Variants in RIC8B observed in about 807,000 individuals in gnomAD.
RIC8B encodes chaperone Ric-8B.
A neutral mutation model predicts 57.5 loss-of-function variants in RIC8B; 16 were observed. That is an observed-to-expected ratio of 0.28 (90% CI 0.19 to 0.42). RIC8B has a LOEUF of 0.42. Ranked by LOEUF, RIC8B falls within the 10% of genes least tolerant of loss-of-function variation. The pLI is 1.00. For synonymous variants in RIC8B, 216 were observed against 250.8 expected (o/e 0.86, Z 1.31); for missense variants, 481 against 677.0 (o/e 0.71, Z 3.21).
intron 6 of RIC8B, among the ~76,000 whole-genome samples, chr12:106,844,290 A>G (rs1174627382): frequency 6.6e-6 from 1 of 152,208 alleles, no homozygotes; most frequent in East Asian, 1.9e-4. Context: ...GCATTTTAAG[A>G]GAGAGGAGAC....
chr12:106,814,276 G>A (rs1396438635), intron 2 of RIC8B, among the ~76,000 whole-genome samples: 1 of 152,130 alleles, frequency 6.6e-6, no homozygotes, highest in Non-Finnish European at 1.5e-5. Flanking sequence ...GTTCTTCTCT[G>A]GGGTTGTTTG....
intron 7 of RIC8B, among the ~76,000 whole-genome samples, chr12:106,858,186 TTG>T (rs1184792332): frequency 2.1e-4 from 32 of 152,210 alleles, no homozygotes; most frequent in Non-Finnish European, 1.0e-4. Flanking sequence ...TTTCGCCATT[TTG>T]TGTCTTTTTA....
At chr12:106,802,776 T>G (rs1333660438) in intron 2 of RIC8B, among the ~76,000 whole-genome samples, 1 of 152,100 alleles carries the variant, frequency 6.6e-6, no homozygotes, top group African/African-American at 2.4e-5. Context: ...TGCTGTAGCT[T>G]TCTCTGCTAC....
chr12:106,779,193 G>A (rs112494669), intron 1 of RIC8B, among the ~76,000 whole-genome samples: 17,136 of 149,448 alleles, frequency 0.11, 1,102 homozygotes, highest in Middle Eastern at 0.18. Flanking sequence ...GATTATAGGC[G>A]TGAGCCACTG....
At chr12:106,818,546 G>A (rs560601169) in intron 3 of RIC8B, among the ~76,000 whole-genome samples, 41 of 152,180 alleles carry the variant, frequency 2.7e-4, no homozygotes, top group African/African-American at 8.9e-4. Flanking sequence ...CTGCAGCTTC[G>A]AACTCCTGGG....
intron 2 of RIC8B, among the ~76,000 whole-genome samples, chr12:106,807,174 A>G (rs546422987): frequency 6.6e-6 from 1 of 152,268 alleles, no homozygotes; most frequent in Non-Finnish European, 1.5e-5. Context: ...AGTCCAACCC[A>G]TTTTGATTCT....
At chr12:106,884,670 A>G in intron 9 of RIC8B, among the ~76,000 whole-genome samples, 1 of 152,122 alleles carries the variant, frequency 6.6e-6, no homozygotes, top group East Asian at 1.9e-4. Context: ...AAGCTTTCAA[A>G]CACTTCGAAG....
chr12:106,871,188 A>C, intron 9 of RIC8B: 1 of 299,938 alleles, frequency 3.3e-6, no homozygotes. Context: ...GAGCACTGTA[A>C]TAATTAACCA....
rs75369507 is a variant in RIC8B at position 106,776,507 on chromosome 12, G to A, written c.84+1678G>A. On this transcript the variant is annotated intron_variant, in intron 1 of 9. Coordinates refer to ENST00000392837, the MANE Select transcript of RIC8B (RefSeq NM_001330145.2). Reference sequence around the variant, plus strand: ...ATAAATAGGAATTTGTTTCTGTAGGGGAGGAAGGAGGAAAAACCTTCAACT... The same window carrying A: ...ATAAATAGGAATTTGTTTCTGTAGGAGAGGAAGGAGGAAAAACCTTCAACT... 3.3e-4 allele frequency among the ~76,000 whole-genome samples: 50 copies of A among 152,238 alleles called. No individual in the cohort carries two copies. The East Asian group carries it at 9.5e-3, about 29-fold the overall frequency.
At chr12:106,828,304 C>T (rs1006101726) in intron 4 of RIC8B, among the ~76,000 whole-genome samples, 1 of 152,074 alleles carries the variant, frequency 6.6e-6, no homozygotes, top group Non-Finnish European at 1.5e-5. Context: ...TCATTTTGAG[C>T]AGTAATGACT....
At chr12:106,817,762 T>C (rs1593191557) in intron 3 of RIC8B, among the ~76,000 whole-genome samples, 2 of 150,462 alleles carry the variant, frequency 1.3e-5, no homozygotes, top group South Asian at 4.2e-4. Flanking sequence ...GAGGCGGAGC[T>C]TGCAGTAAGC....
At chr12:106,862,341 T>G (rs1203970107) in intron 8 of RIC8B, among the ~76,000 whole-genome samples, 1 of 152,098 alleles carries the variant, frequency 6.6e-6, no homozygotes, top group African/African-American at 2.4e-5. Context: ...GTTTTTCTCT[T>G]AAATTTTCCT....
At chr12:106,820,174 T>A (rs1052958813) in intron 3 of RIC8B, among the ~76,000 whole-genome samples, 1 of 152,246 alleles carries the variant, frequency 6.6e-6, no homozygotes, top group Admixed American at 6.5e-5. Context: ...ACCACTTTCA[T>A]TTACAGTTCA....
chr12:106,870,315 T>G (rs148049366), intron 8 of RIC8B, among the ~76,000 whole-genome samples: 1 of 152,342 alleles, frequency 6.6e-6, no homozygotes, highest in Non-Finnish European at 1.5e-5. Flanking sequence ...TAAACACTCA[T>G]TGCCCTCTGT....
At chr12:106,837,359 C>T (rs1302103691) in intron 4 of RIC8B, among the ~76,000 whole-genome samples, 1 of 150,878 alleles carries the variant, frequency 6.6e-6, no homozygotes, top group Non-Finnish European at 1.5e-5. Flanking sequence ...AAGACTGTTT[C>T]TCAAAAAAAA....
chr12:106,802,945 C>G (rs2044803886), intron 2 of RIC8B, among the ~76,000 whole-genome samples: 1 of 151,930 alleles, frequency 6.6e-6, no homozygotes, highest in African/African-American at 2.4e-5. Context: ...CACAGTGGCT[C>G]AAGCCTGCAA....
In RIC8B at chr12:106,809,727, T is replaced by G. The variant is rs190026116; in HGVS notation, c.133-4969T>G. On this transcript the variant is annotated intron_variant, in intron 2 of 9. Transcript: ENST00000392837. ...TGGATACGTAATAATTCTACATATTTATGGGGTACATGTGATACTTTGACA... is the reference window on the plus strand; with the variant it reads ...TGGATACGTAATAATTCTACATATTGATGGGGTACATGTGATACTTTGACA... Among the ~76,000 whole-genome samples the G allele has an allele frequency of 9.9e-5, 15 of 152,164 alleles. No individual in the cohort carries two copies. The East Asian group carries it at 2.3e-3, about 24-fold the overall frequency.
intron 9 of RIC8B, chr12:106,871,500 C>CAAAAAA (rs1566169701): frequency 0.017 from 1,107 of 66,370 alleles, 158 homozygotes; most frequent in Non-Finnish European, 0.022. Context: ...AAAAAAAAAC[C>CAAAAAA]AAAAAACTCC....
In RIC8B at chr12:106,823,711, T is replaced by C. The variant is rs372328382; in HGVS notation, c.742-2015T>C. 8.7e-5 allele frequency among the ~76,000 whole-genome samples: 13 copies of C among 149,992 alleles called. No homozygotes were observed. In the South Asian group the frequency reaches 2.7e-3, roughly 32 times the overall value. ...TTTTTTTTTTTTTTTTGAGACGGAGTTTAGCTCTTGTAGCCCAGGCTGGAA... is the reference window on the plus strand; with the variant it reads ...TTTTTTTTTTTTTTTTGAGACGGAGCTTAGCTCTTGTAGCCCAGGCTGGAA... On this transcript the variant is annotated intron_variant, in intron 3 of 9. Coordinates refer to ENST00000392837, the MANE Select transcript of RIC8B (RefSeq NM_001330145.2).
Sources: gnomAD v4.1 joint callset for allele counts (sites outside exome capture counted in the v4.1 genomes callset) on GRCh38, gnomAD v4.1.1 for gene constraint, MANE v1.5 for transcripts, NCBI Gene and HGNC (gene_info 2026-07-23, HGNC 2026-07-21) for gene names.